GLRA1: variants seen among roughly 807,000 people sequenced by gnomAD.
The protein encoded by GLRA1 is glycine receptor subunit alpha-1.
Under a neutral mutation model 48.3 loss-of-function variants are expected in GLRA1, and 37 were observed. The ratio of observed to expected loss-of-function variants is 0.77; its 90% CI spans 0.59 to 1.01. The LOEUF is 1.01. Among genes scored for constraint, GLRA1 ranks in the 50% least tolerant of loss-of-function variants. The pLI is 0.00. For missense variants in GLRA1, 427 were observed against 571.0 expected, an observed-to-expected ratio of 0.75 and a Z score of 2.57; for synonymous variants, 196 against 210.7, an observed-to-expected ratio of 0.93 and a Z score of 0.60.
chr5:151,880,028 C>G lies in GLRA1; in HGVS notation c.252+6693G>C, dbSNP rs138031179. Among the ~76,000 whole-genome samples the G allele has an allele frequency of 1.3e-3, 205 of 152,270 alleles. 2 individuals are homozygous for G. In the East Asian group the frequency reaches 0.014, roughly 10 times the overall value. On this transcript the variant is annotated intron_variant, in intron 3 of 8. Transcript: ENST00000274576. Reference sequence around the variant, plus strand: ...TTTCCTGCACAAGCTCTCTCTTTGCCTGCTGCCATCCACGTAAGATGTGAC... The same window carrying G: ...TTTCCTGCACAAGCTCTCTCTTTGCGTGCTGCCATCCACGTAAGATGTGAC...
intron 7 of GLRA1, among the ~76,000 whole-genome samples, chr5:151,842,234 T>C (rs1398946873): frequency 6.6e-6 from 1 of 151,882 alleles, no homozygotes; most frequent in African/African-American, 2.4e-5. Context: ...GAAGTGGAAG[T>C]GGATAGAACA....
chr5:151,849,222 C>CTTCA lies in GLRA1; in HGVS notation c.912+2167_912+2168insTGAA, dbSNP rs751283944. 1.3e-3 allele frequency among the ~76,000 whole-genome samples: 79 copies of CTTCA among 63,134 alleles called. 6 individuals are homozygous for CTTCA. The East Asian group carries it at 0.032, about 25-fold the overall frequency. The allele number at this position is 63,134 out of a possible 152,430, so 41.4% of individuals were successfully genotyped here. Reference sequence around the variant, plus strand: ...TTTTCTTTCTTTCCTTCCTTTCTTCCTTCCTTCCTTCCTTCCTTCCTTCCT... The same window carrying CTTCA: ...TTTTCTTTCTTTCCTTCCTTTCTTCCTTCATTCCTTCCTTCCTTCCTTCCTTCCT... On this transcript the variant is annotated intron_variant, in intron 7 of 8. Transcript: ENST00000274576.
At chr5:151,857,333 A>G (rs993405003) in intron 4 of GLRA1, among the ~76,000 whole-genome samples, 1 of 152,228 alleles carries the variant, frequency 6.6e-6, no homozygotes, top group African/African-American at 2.4e-5. Context: ...GGTTGCCTCA[A>G]GTGACACAGT....
At chr5:151,916,459 T>C (rs780428954) in intron 1 of GLRA1, among the ~76,000 whole-genome samples, 31 of 152,196 alleles carry the variant, frequency 2.0e-4, no homozygotes, top group Admixed American at 7.9e-4. Context: ...CTGAAGATCA[T>C]AGTAGTTACT....
At position 151,892,409 on chromosome 5, in the gene GLRA1, G is replaced by A; in HGVS notation, c.86C>T (p.Ala29Val). 6.2e-7 allele frequency: 1 copy of A among 1,614,058 alleles called. No individual in the cohort carries two copies. Among genetic ancestry groups the A allele is most frequent in the Non-Finnish European group, 8.5e-7 (1 of 1,179,924 alleles). Residue 29 changes from alanine (A) to valine (V), a missense_variant, in exon 2 of 9, where the codon GCT (alanine) becomes GTT (valine). Physicochemically the swap from Ala to Val is moderately conservative, Grantham distance 64. Transcript: ENST00000274576. The part of the protein sequence containing the change: ...SLAASKEAEA[A>V]RSAPKPMSPS... ...TGACATAGGCTTGGGTGCGGAGCGA[G>A]CAGCTTCAGCCTCCTTAGAAGCAGC...
Position 151,860,726 on chromosome 5 carries a change from G to GT in GLRA1, c.253-719dup, listed in dbSNP as rs58449461. Among the ~76,000 whole-genome samples, 76 of 151,674 alleles carry GT rather than the reference G, an allele frequency of 5.0e-4. 1 individual carries two copies. In the East Asian group the frequency reaches 0.011, roughly 21 times the overall value. ...TGGAGTCACATCTTACTAGCTTCTT[G>GT]TTTTTTTTTATTTATTATACTTTAA... is the stretch of plus-strand genomic sequence containing the variant. On this transcript the variant is annotated intron_variant, in intron 3 of 8. Transcript: ENST00000274576.
Position 151,828,795 on chromosome 5 carries a change from A to C in GLRA1, c.1059+126T>G. ...TGAGACCTCTAGGTCTTTAATTCCTATTTCTAACCTGCCTTGCACATTGAG... is the reference window on the plus strand; with the variant it reads ...TGAGACCTCTAGGTCTTTAATTCCTCTTTCTAACCTGCCTTGCACATTGAG... On this transcript the variant is annotated intron_variant, in intron 8 of 8. Transcript: ENST00000274576. 4 of 1,025,204 alleles carry C rather than the reference A, an allele frequency of 3.9e-6. No individual in the cohort carries two copies. The South Asian group carries it at 6.6e-5, about 17-fold the overall frequency. 63.5% of individuals were successfully genotyped at this position (1,025,204 alleles called of 1,614,324 possible).
chr5:151,863,858 A>G lies in GLRA1; in HGVS notation c.253-3850T>C, dbSNP rs548506087. ...CTCATGCCTCAGTCTGTTTGCCTAT[A>G]GAAATATCAATAGCTTCATAAAATG... On this transcript the variant is annotated intron_variant, in intron 3 of 8. Transcript: ENST00000274576. Among the ~76,000 whole-genome samples the G allele has an allele frequency of 1.9e-4, 29 of 152,304 alleles. 1 individual carries two copies. In the East Asian group the frequency reaches 5.4e-3, roughly 28 times the overall value.
chr5:151,870,499 A>G lies in GLRA1; in HGVS notation c.253-10491T>C, dbSNP rs909107638. 8.9e-4 allele frequency among the ~76,000 whole-genome samples: 133 copies of G among 150,062 alleles called. 15 individuals are homozygous for G. The highest frequency in any genetic ancestry group is 3.2e-3 in the African/African-American group (125 of 39,358). Reference sequence around the variant, plus strand: ...GGCCTGGCATCAATCTGAATGATCTATGTGTAATCTCAATGACTTAGGATG... The same window carrying G: ...GGCCTGGCATCAATCTGAATGATCTGTGTGTAATCTCAATGACTTAGGATG... On this transcript the variant is annotated intron_variant, in intron 3 of 8. Transcript: ENST00000274576.
intron 7 of GLRA1, chr5:151,849,174 T>TC (rs1752792730): frequency 6.0e-6 from 1 of 165,494 alleles, no homozygotes; most frequent in African/African-American, 3.1e-5. Flanking sequence ...TTTCTTTCTT[T>TC]CTTTCTTTCT....
At chr5:151,825,453 C>G (rs1314838646) in intron 8 of GLRA1, among the ~76,000 whole-genome samples, 2 of 152,040 alleles carry the variant, frequency 1.3e-5, no homozygotes, top group South Asian at 2.1e-4. Context: ...ATTGAAGGCC[C>G]CATCTAGCTA....
At chr5:151,832,233 T>G (rs1292209225) in intron 7 of GLRA1, among the ~76,000 whole-genome samples, 1 of 152,204 alleles carries the variant, frequency 6.6e-6, no homozygotes. Context: ...AAAACCAGAA[T>G]GCCTTTTCTC....
intron 3 of GLRA1, among the ~76,000 whole-genome samples, chr5:151,863,045 A>G (rs1753244385): frequency 6.6e-6 from 1 of 152,232 alleles, no homozygotes. Context: ...GTGAGGAGCT[A>G]TTATGGTATG....
chr5:151,907,190 C>A (rs1165552420), intron 1 of GLRA1, among the ~76,000 whole-genome samples: 5 of 151,024 alleles, frequency 3.3e-5, no homozygotes, highest in Non-Finnish European at 3.0e-5. Context: ...AGAAGACTTA[C>A]AAAAAAAAAT....
intron 4 of GLRA1, among the ~76,000 whole-genome samples, chr5:151,859,104 G>T (rs1753125802): frequency 6.6e-6 from 1 of 152,202 alleles, no homozygotes; most frequent in Non-Finnish European, 1.5e-5. Context: ...CACATGAAAA[G>T]TACCTGGCAT....
At chr5:151,847,773 A>T (rs955989603) in intron 7 of GLRA1, among the ~76,000 whole-genome samples, 2 of 152,038 alleles carry the variant, frequency 1.3e-5, no homozygotes, top group African/African-American at 4.8e-5. Context: ...TCTAGTGTTG[A>T]CAGTGAAGGG....
chr5:151,850,411 AC>A, intron 7 of GLRA1: 1 of 1,211,242 alleles, frequency 8.3e-7, no homozygotes, highest in Non-Finnish European at 1.2e-6. Flanking sequence ...ATTCCTGGGA[AC>A]AGGAAGTGTT....
chr5:151,833,052 C>G lies in GLRA1; in HGVS notation c.913-3985G>C, dbSNP rs1763465897. Among the ~76,000 whole-genome samples, 3 of 152,246 alleles carry G rather than the reference C, an allele frequency of 2.0e-5. No homozygotes were observed. The South Asian group carries it at 6.2e-4, about 32-fold the overall frequency. ...GAATTTCATACCCAGCCAAACTAAG[C>G]TTCATAAGCAAAGGAGAAACAGAAT... On this transcript the variant is annotated intron_variant, in intron 7 of 8. Coordinates refer to ENST00000274576, the MANE Select transcript of GLRA1 (RefSeq NM_000171.4).
At chr5:151,859,168 T>C (rs948958368) in intron 4 of GLRA1, among the ~76,000 whole-genome samples, 5 of 152,170 alleles carry the variant, frequency 3.3e-5, no homozygotes, top group Non-Finnish European at 7.4e-5. Context: ...GTAAGGACAT[T>C]TTTTCACCTC....
Sources: gnomAD v4.1 joint callset for allele counts (sites outside exome capture counted in the v4.1 genomes callset) on GRCh38, gnomAD v4.1.1 for gene constraint, MANE v1.5 for transcripts, NCBI Gene and HGNC (gene_info 2026-07-23, HGNC 2026-07-21) for gene names.